The following SPARC variants were observed in gnomAD, a reference collection of about 807,000 sequenced individuals.
SPARC encodes the protein basement-membrane protein 40.
A neutral mutation model predicts 37.7 loss-of-function variants in SPARC; 23 were observed. That is an observed-to-expected ratio of 0.61 (90% CI 0.44 to 0.87). SPARC has a LOEUF of 0.87. SPARC is among the 40% of genes least tolerant of loss of function. SPARC has a pLI of 0.00. For synonymous variants in SPARC, 155 were observed against 150.8 expected (o/e 1.03, Z -0.20); for missense variants, 312 against 389.0 (o/e 0.80, Z 1.66).
intron 1 of SPARC, chr5:151,685,076 C>T (rs1031473128): frequency 2.6e-5 from 4 of 152,162 alleles, no homozygotes; most frequent in African/African-American, 4.8e-5. Context: ...CGTGGCAACT[C>T]GCATTCCTCG....
chr5:151,669,758 G>T lies in SPARC; in HGVS notation c.357C>A (p.Phe119Leu). The change falls in exon 6 of 10, where the codon TTC becomes TTA. Residue 119 changes from phenylalanine to leucine, a missense_variant. Physicochemically the swap from Phe to Leu is conservative, Grantham distance 22 (BLOSUM62 0). Transcript: ENST00000231061. ...EKVCSNDNKTFDSSCHFFATK... is the reference protein window; with the variant it reads ...EKVCSNDNKTLDSSCHFFATK... ...TGGCAAAGAAGTGGCAGGAAGAGTC[G>T]AAGGTCTTGTTGTCATTGCTGCACA... 6.2e-7 allele frequency: 1 copy of T among 1,614,188 alleles called. No homozygotes were observed. Among genetic ancestry groups the T allele is most frequent in the South Asian group, 1.1e-5 (1 of 91,084 alleles).
intron 6 of SPARC, 162 bp from the exon 7 acceptor site, chr5:151,667,762 T>C: frequency 1.4e-6 from 1 of 736,196 alleles, no homozygotes; most frequent in Non-Finnish European, 2.2e-6. Flanking sequence ...GCAGAGGAGA[T>C]TATGTGTGGG....
Position 151,666,519 on chromosome 5 carries a change from T to A in SPARC, c.586-10A>T. Reference sequence around the variant, plus strand: ...CATGGATCTTCTTCACCTGAGGGAGTAGAGACTGTGTGTGACAAGAGGTCC... The same window carrying A: ...CATGGATCTTCTTCACCTGAGGGAGAAGAGACTGTGTGTGACAAGAGGTCC... On this transcript the variant is annotated splice_polypyrimidine_tract_variant and intron_variant, in intron 7 of 9. Coordinates refer to ENST00000231061, the MANE Select transcript of SPARC (RefSeq NM_003118.4). The A allele has an allele frequency of 6.2e-7, 1 of 1,612,516 alleles. No individual in the cohort carries two copies. Among genetic ancestry groups the A allele is most frequent in the Non-Finnish European group, 8.5e-7 (1 of 1,179,266 alleles).
chr5:151,667,111 C>A (rs1038403834), intron 7 of SPARC, among the ~76,000 whole-genome samples: 1 of 152,176 alleles, frequency 6.6e-6, no homozygotes, highest in Admixed American at 6.5e-5. Flanking sequence ...TTTCAGTGGC[C>A]TGAGATGGGG....
intron 1 of SPARC, among the ~76,000 whole-genome samples, chr5:151,684,415 CTTT>C (rs71575110): frequency 4.3e-5 from 6 of 139,704 alleles, no homozygotes; most frequent in Non-Finnish European, 1.6e-5. Flanking sequence ...TTAGAACACA[CTTT>C]TTTTTTTTTT....
chr5:151,663,472 C>G lies in SPARC; in HGVS notation c.*99G>C. 2.5e-6 allele frequency: 3 copies of G among 1,195,868 alleles called. No homozygotes were observed. The highest frequency in any genetic ancestry group is 3.7e-6 in the Non-Finnish European group (3 of 807,638). The allele number at this position is 1,195,868 out of a possible 1,614,324, so 74.1% of individuals were successfully genotyped here. A position where few individuals can be genotyped will look rare whatever the true frequency, so the allele number is the denominator to read the frequency against. ...ACTTAAATCTATGTTAGCACCTTGTCTCCAGGCAGAACAACAAACCATCCA... is the reference window on the plus strand; with the variant it reads ...ACTTAAATCTATGTTAGCACCTTGTGTCCAGGCAGAACAACAAACCATCCA... On this transcript the variant is annotated 3_prime_UTR_variant, in exon 10 of 10. Coordinates refer to ENST00000231061, the MANE Select transcript of SPARC (RefSeq NM_003118.4).
intron 6 of SPARC, among the ~76,000 whole-genome samples, chr5:151,667,934 G>A (rs746050102): frequency 1.3e-5 from 2 of 152,146 alleles, no homozygotes; most frequent in Non-Finnish European, 2.9e-5. Flanking sequence ...GTCAACCACT[G>A]GCAGGTGTTT....
chr5:151,680,921 A>T (rs546889116), intron 1 of SPARC, among the ~76,000 whole-genome samples: 42 of 152,338 alleles, frequency 2.8e-4, no homozygotes, highest in African/African-American at 9.9e-4. Flanking sequence ...CCAGTGCTTT[A>T]TAAGCCCAGG....
chr5:151,684,420 T>G (rs1323440832), intron 1 of SPARC, among the ~76,000 whole-genome samples: 1 of 151,800 alleles, frequency 6.6e-6, no homozygotes, highest in African/African-American at 2.4e-5. Flanking sequence ...ACACACTTTT[T>G]TTTTTTTTTT....
rs1169667437 is a variant in SPARC at position 151,681,396 on chromosome 5, AG to A, written c.-13-5196del. ...GTCTCCCAGCTCACTGTGCGAATTC[AG>A]GGGAGTCTCCTCTGCTCTCCAGAAC... On this transcript the variant is annotated intron_variant, in intron 1 of 9. Transcript: ENST00000231061. Among the ~76,000 whole-genome samples, 68 of 152,232 alleles carry A rather than the reference AG, an allele frequency of 4.5e-4. 1 individual carries two copies. Among genetic ancestry groups the A allele is most frequent in the Non-Finnish European group, 2.9e-5 (2 of 68,028 alleles).
At chr5:151,678,265 C>T (rs1760906339) in intron 1 of SPARC, among the ~76,000 whole-genome samples, 1 of 152,108 alleles carries the variant, frequency 6.6e-6, no homozygotes, top group Non-Finnish European at 1.5e-5. Flanking sequence ...CAGACATTTC[C>T]CTGAGTCTGC....
At chr5:151,663,869 C>T (rs920613906) in intron 9 of SPARC, among the ~76,000 whole-genome samples, 4 of 152,138 alleles carry the variant, frequency 2.6e-5, no homozygotes, top group Non-Finnish European at 5.9e-5. Context: ...TGAGTGCTAA[C>T]GCTTGAGGAA....
At chr5:151,668,180 T>G (rs1164612524) in intron 6 of SPARC, among the ~76,000 whole-genome samples, 1 of 149,810 alleles carries the variant, frequency 6.7e-6, no homozygotes, top group Non-Finnish European at 1.5e-5. Context: ...TTAGACAGGG[T>G]CTCACTCTGT....
chr5:151,669,931 G>C (rs1474062720), intron 5 of SPARC, 147 bp from the exon 6 acceptor site: 3 of 1,163,766 alleles, frequency 2.6e-6, no homozygotes, highest in African/African-American at 3.1e-5. Flanking sequence ...TAGTGATAGG[G>C]CTGGGCCACA....
chr5:151,673,966 C>CTG (rs3138755), intron 3 of SPARC, among the ~76,000 whole-genome samples: 9,131 of 141,700 alleles, frequency 0.064, 326 homozygotes, highest in Non-Finnish European at 0.093. Context: ...CCCCTTTCCT[C>CTG]TGTGTGTGTG....
At chr5:151,678,288 A>T (rs1760907232) in intron 1 of SPARC, among the ~76,000 whole-genome samples, 2 of 152,160 alleles carry the variant, frequency 1.3e-5, no homozygotes, top group Non-Finnish European at 2.9e-5. Flanking sequence ...CCTTCATATG[A>T]GCAGAGTAAC....
At position 151,676,204 on chromosome 5, in the gene SPARC, A is replaced by G. The variant is rs112706795; in HGVS notation, c.-13-3T>C. Reference sequence around the variant, plus strand: ...AGGCCCTCATGGTGCTGGGAACCCTATGGGGAGGAGAGATTGAGAGTTCAG... The same window carrying G: ...AGGCCCTCATGGTGCTGGGAACCCTGTGGGGAGGAGAGATTGAGAGTTCAG... On this transcript the variant is annotated splice_polypyrimidine_tract_variant and splice_region_variant and intron_variant, in intron 1 of 9. Coordinates refer to ENST00000231061, the MANE Select transcript of SPARC (RefSeq NM_003118.4). The G allele has an allele frequency of 5.0e-6, 8 of 1,607,080 alleles. No individual in the cohort carries two copies. The highest frequency in any genetic ancestry group is 1.3e-5 in the African/African-American group (1 of 74,874).
intron 1 of SPARC, among the ~76,000 whole-genome samples, chr5:151,678,632 C>A (rs569205272): frequency 7.2e-5 from 11 of 152,316 alleles, no homozygotes; most frequent in African/African-American, 2.6e-4. Flanking sequence ...TGCAACAATT[C>A]AGGCCCTCTC....
chr5:151,663,598 C>A lies in SPARC; in HGVS notation c.885G>T (p.Lys295Asn), dbSNP rs1760560905. ...AGATCACAAGATCCTTGTCGATATC[C>A]TCTGCAAAGCAAGAAAAGAGCACGG... is the stretch of plus-strand genomic sequence containing the variant. ...EWAGCFGIKQ[K>N]DIDKDLVI The change falls in exon 10 of 10, where the codon AAG becomes AAT. Residue 295 changes from lysine (K) to asparagine (N), a missense_variant and splice_region_variant. Physicochemically the swap from Lys to Asn is moderately conservative, Grantham distance 94. Coordinates refer to ENST00000231061, the MANE Select transcript of SPARC (RefSeq NM_003118.4). The A allele has an allele frequency of 1.9e-6, 3 of 1,613,928 alleles. No individual in the cohort carries two copies. In the South Asian group the frequency reaches 3.3e-5, roughly 18 times the overall value.
Sources: allele counts gnomAD v4.1 joint callset (sites outside exome capture counted in the v4.1 genomes callset), GRCh38; gene constraint gnomAD v4.1.1; transcripts MANE v1.5; gene names NCBI Gene and HGNC (gene_info 2026-07-23, HGNC 2026-07-21).